TBC1D14: variants seen among roughly 807,000 people sequenced by gnomAD.
The protein encoded by TBC1D14 is TBC1 domain family member 14, also known as TBC1 domain family, member 14.
A neutral mutation model predicts 79.0 loss-of-function variants in TBC1D14; 26 were observed. That is an observed-to-expected ratio of 0.33 (90% CI 0.24 to 0.46). The LOEUF (loss-of-function observed/expected upper bound fraction) is 0.46, where lower values mean the gene tolerates loss of function less well. Ranked by LOEUF, TBC1D14 falls within the 20% of genes least tolerant of loss-of-function variation. TBC1D14 has a pLI of 1.00. For missense variants in TBC1D14, 769 were observed against 887.6 expected, an observed-to-expected ratio of 0.87 and a Z score of 1.70; for synonymous variants, 394 against 349.9, an observed-to-expected ratio of 1.13 and a Z score of -1.40.
intron 1 of TBC1D14, among the ~76,000 whole-genome samples, chr4:6,922,643 A>G (rs2108920873): frequency 6.6e-6 from 1 of 152,262 alleles, no homozygotes; most frequent in East Asian, 1.9e-4. Context: ...ATATCTTAGG[A>G]TTTTAATGCT....
intron 2 of TBC1D14, among the ~76,000 whole-genome samples, chr4:6,935,559 C>T (rs1712230270): frequency 6.6e-6 from 1 of 151,960 alleles, no homozygotes. Flanking sequence ...TTTCCTCTTC[C>T]TCCTCTCCCT....
chr4:6,917,581 AGTGGGCTGGTG>A (rs1723502319), intron 1 of TBC1D14, among the ~76,000 whole-genome samples: 1 of 146,772 alleles, frequency 6.8e-6, no homozygotes, highest in Admixed American at 6.8e-5. Context: ...AGTAGGGCTG[AGTGGGCTGGTG>A]GTGGGGGCGG....
intron 11 of TBC1D14, among the ~76,000 whole-genome samples, chr4:7,013,743 C>CT (rs11318080): frequency 6.7e-4 from 92 of 137,110 alleles, no homozygotes; most frequent in Non-Finnish European, 9.3e-4. Context: ...TTTCCAGATA[C>CT]TTTTTTTTTT....
At chr4:6,977,650 G>A (rs1716882716) in intron 3 of TBC1D14, among the ~76,000 whole-genome samples, 1 of 147,428 alleles carries the variant, frequency 6.8e-6, no homozygotes, top group African/African-American at 2.5e-5. Context: ...GTCTCTGCCC[G>A]GCCGCCATCC....
Position 7,004,827 on chromosome 4 carries a change from A to G in TBC1D14, c.1271-17A>G. 1 of 1,613,936 alleles carries G rather than the reference A, an allele frequency of 6.2e-7. No individual in the cohort carries two copies. The highest frequency in any genetic ancestry group is 1.3e-5 in the African/African-American group (1 of 75,048). On this transcript the variant is annotated splice_polypyrimidine_tract_variant and intron_variant, in intron 7 of 13. Transcript: ENST00000409757. ...ATACATGTGCACGTAATACTTACCC[A>G]GAGGCTTTTCTTCCAGAGCTCTTTG...
chr4:6,920,604 T>A (rs1723772964), intron 1 of TBC1D14, among the ~76,000 whole-genome samples: 1 of 132,450 alleles, frequency 7.6e-6, no homozygotes, highest in Admixed American at 7.2e-5. Flanking sequence ...CCTCTCTGTT[T>A]GATGATAGCA....
chr4:6,978,391 T>C (rs56400338), intron 3 of TBC1D14, among the ~76,000 whole-genome samples: 15,345 of 147,392 alleles, frequency 0.1, 1,219 homozygotes, highest in African/African-American at 0.22. Flanking sequence ...TTTTGTTCTG[T>C]ACTAAGGAAA....
chr4:6,937,779 T>C (rs977563077), intron 2 of TBC1D14, among the ~76,000 whole-genome samples: 1 of 152,084 alleles, frequency 6.6e-6, no homozygotes, highest in Non-Finnish European at 1.5e-5. Context: ...GCATGGATTC[T>C]CCGGGCGGTG....
At chr4:6,918,635 A>C (rs774057510) in intron 1 of TBC1D14, among the ~76,000 whole-genome samples, 35 of 152,324 alleles carry the variant, frequency 2.3e-4, no homozygotes, top group Non-Finnish European at 4.4e-4. Flanking sequence ...CTTACTTGGC[A>C]AGTGGCAGAG....
chr4:6,952,768 T>C (rs1714159913), intron 2 of TBC1D14, among the ~76,000 whole-genome samples: 1 of 152,098 alleles, frequency 6.6e-6, no homozygotes, highest in Admixed American at 6.6e-5. Context: ...CTAGTTGACA[T>C]AACTGAATGG....
intron 2 of TBC1D14, among the ~76,000 whole-genome samples, chr4:6,951,082 G>C (rs1713994007): frequency 6.6e-6 from 1 of 152,178 alleles, no homozygotes; most frequent in African/African-American, 2.4e-5. Flanking sequence ...CTGAGGTCTG[G>C]AGTTTGAGAC....
At chr4:7,014,026 G>C (rs1721046244) in intron 11 of TBC1D14, among the ~76,000 whole-genome samples, 2 of 152,212 alleles carry the variant, frequency 1.3e-5, no homozygotes, top group South Asian at 4.1e-4. Context: ...TGGGATTACA[G>C]GCGTGAGCCA....
chr4:6,978,478 A>G (rs1232235114), intron 3 of TBC1D14, among the ~76,000 whole-genome samples: 2 of 149,994 alleles, frequency 1.3e-5, no homozygotes, highest in Non-Finnish European at 3.0e-5. Flanking sequence ...TGCTGTGTCC[A>G]CTCAGGGTTG....
At chr4:6,954,847 C>T (rs1397324327) in intron 2 of TBC1D14, among the ~76,000 whole-genome samples, 1 of 152,266 alleles carries the variant, frequency 6.6e-6, no homozygotes, top group Non-Finnish European at 1.5e-5. Flanking sequence ...TTAAGTGATC[C>T]ACCCGCCTTG....
At chr4:6,999,788 C>T (rs1206364391) in intron 6 of TBC1D14, among the ~76,000 whole-genome samples, 1 of 152,188 alleles carries the variant, frequency 6.6e-6, no homozygotes, top group Non-Finnish European at 1.5e-5. Flanking sequence ...TGTGTGCACA[C>T]AGCTGTCTGT....
At chr4:7,019,023 TTTG>T (rs958423372) in intron 12 of TBC1D14, among the ~76,000 whole-genome samples, 7 of 152,232 alleles carry the variant, frequency 4.6e-5, no homozygotes, top group South Asian at 4.2e-4. Context: ...TCCATCTTTT[TTTG>T]TTGTTGTTGT....
rs1382001068 is a variant in TBC1D14 at position 7,000,701 on chromosome 4, C to T, written c.1164-444C>T. On this transcript the variant is annotated intron_variant, in intron 6 of 13. Transcript: ENST00000409757. ...TGGGCCTGTATTGGTGGTGCGATGG[C>T]CGTCTGCTGACTCTCTGCTGGGGTC... is the stretch of plus-strand genomic sequence containing the variant. Among the ~76,000 whole-genome samples the T allele has an allele frequency of 8.5e-5, 13 of 152,304 alleles. No homozygotes were observed. In the East Asian group the frequency reaches 2.5e-3, roughly 29 times the overall value.
chr4:6,959,168 A>G, intron 2 of TBC1D14, among the ~76,000 whole-genome samples: 1 of 152,010 alleles, frequency 6.6e-6, no homozygotes, highest in Non-Finnish European at 1.5e-5. Flanking sequence ...TACAGGCGTG[A>G]GCCACCGCGC....
intron 1 of TBC1D14, among the ~76,000 whole-genome samples, chr4:6,920,301 G>A (rs1005454310): frequency 6.8e-6 from 1 of 147,756 alleles, no homozygotes. Context: ...AGACAGGATT[G>A]TGCCCTGTTG....
Sources: gnomAD v4.1 joint callset for allele counts (sites outside exome capture counted in the v4.1 genomes callset) on GRCh38, gnomAD v4.1.1 for gene constraint, MANE v1.5 for transcripts, NCBI Gene and HGNC (gene_info 2026-07-23, HGNC 2026-07-21) for gene names.